The following UBA7 variants were observed in gnomAD, a reference collection of about 807,000 sequenced individuals.
The protein encoded by UBA7 is ubiquitin like modifier activating enzyme 7.
Under a neutral mutation model 113.0 loss-of-function variants are expected in UBA7, and 88 were observed. That is an observed-to-expected ratio of 0.78 (90% CI 0.66 to 0.93). UBA7 has a LOEUF of 0.93. UBA7 is among the 40% of genes least tolerant of loss of function. The pLI is 0.00. For missense variants in UBA7, 1,092 were observed against 1,266.4 expected, an observed-to-expected ratio of 0.86 and a Z score of 2.09; for synonymous variants, 459 against 513.0, an observed-to-expected ratio of 0.89 and a Z score of 1.42.
Position 49,809,597 on chromosome 3 carries a change from T to G in UBA7, c.2033A>C (p.Lys678Thr). The change falls in exon 16 of 24, where the codon AAA (lysine) becomes ACA (threonine). Residue 678 changes from lysine to threonine, a missense_variant. Physicochemically the swap from Lys to Thr is moderately conservative, Grantham distance 78. Transcript: ENST00000333486. The part of the protein sequence containing the change: ...DCVAWALGHW[K>T]LCFHYGIKQL... Reference sequence around the variant, plus strand: ...TTTGATGCCATAATGAAAGCAGAGTTTCCAGTGGCCAAGAGCCCACGCCAC... The same window carrying G: ...TTTGATGCCATAATGAAAGCAGAGTGTCCAGTGGCCAAGAGCCCACGCCAC... 1 of 1,614,108 alleles carries G rather than the reference T, an allele frequency of 6.2e-7. No homozygotes were observed. The highest frequency in any genetic ancestry group is 8.5e-7 in the Non-Finnish European group (1 of 1,180,042).
At chr3:49,812,046 C>G in intron 7 of UBA7, 30 bp from the exon 8 acceptor site, 1 of 1,614,162 alleles carries the variant, frequency 6.2e-7, no homozygotes, top group Non-Finnish European at 8.5e-7. Flanking sequence ...AGGGTCTAGT[C>G]CAGAATGCTA....
At chr3:49,812,356 T>C (rs1183985923) in intron 6 of UBA7, 52 bp downstream of exon 6, 1 of 1,612,852 alleles carries the variant, frequency 6.2e-7, no homozygotes, top group African/African-American at 1.3e-5. Flanking sequence ...CTGTGCTCAC[T>C]TCCAGTGGAG....
chr3:49,806,644 A>G (rs2081457846), intron 21 of UBA7, among the ~76,000 whole-genome samples: 1 of 152,096 alleles, frequency 6.6e-6, no homozygotes, highest in Non-Finnish European at 1.5e-5. Flanking sequence ...CAGCAGGGAT[A>G]CAATGCATAG....
In UBA7 at chr3:49,813,265, A is replaced by C; in HGVS notation, c.344T>G (p.Leu115Arg). The change falls in exon 3 of 24, where the codon CTG (leucine) becomes CGG (arginine). Residue 115 changes from leucine (L) to arginine (R), a missense_variant. Physicochemically the swap from Leu to Arg is moderately radical, Grantham distance 102 (BLOSUM62 -2). Transcript: ENST00000333486. The part of the protein sequence containing the change: ...VVHTGDITED[L>R]LLDFQVVVLT... ...TGAGCTGACCTGGAAGTCCAACAGCAGGTCCTCAGTGATGTCACCCGTGTG... is the reference window on the plus strand; with the variant it reads ...TGAGCTGACCTGGAAGTCCAACAGCCGGTCCTCAGTGATGTCACCCGTGTG... 1 of 1,614,190 alleles carries C rather than the reference A, an allele frequency of 6.2e-7. No individual in the cohort carries two copies. Among genetic ancestry groups the C allele is most frequent in the South Asian group, 1.1e-5 (1 of 91,078 alleles).
chr3:49,810,768 C>T lies in UBA7; in HGVS notation c.1295G>A (p.Arg432His), dbSNP rs772891199. The T allele has an allele frequency of 1.2e-5, 20 of 1,614,018 alleles. No individual in the cohort carries two copies. The highest frequency in any genetic ancestry group is 4.4e-5 in the South Asian group (4 of 91,092). ...FGAGFQEKLR[R>H]QHYLLVGAGA... is the part of the protein sequence containing the mutation. ...ACAGCTCACCAGGAGGTAGTGCTGG[C>T]GTCTCAGTTTCTCCTGAAAACCAGC... Residue 432 changes from arginine (R) to histidine (H), a missense_variant, in exon 11 of 24, where the codon CGC becomes CAC. Physicochemically the swap from Arg to His is conservative, Grantham distance 29. Transcript: ENST00000333486. The surrounding 1 kb of genome is among the most constrained non-coding windows in gnomAD (Gnocchi z 5.6).
intron 17 of UBA7, 26 bp from the exon 18 acceptor site, chr3:49,809,185 A>G: frequency 6.3e-7 from 1 of 1,597,796 alleles, no homozygotes; most frequent in Non-Finnish European, 8.5e-7. Flanking sequence ...GAGCAGGAAC[A>G]GAGGCATGGG....
At chr3:49,805,855 C>T in intron 23 of UBA7, 42 bp downstream of exon 23, 7 of 1,531,572 alleles carry the variant, frequency 4.6e-6, no homozygotes, top group Non-Finnish European at 6.2e-6. Flanking sequence ...CCCCAGCCTC[C>T]AGGGACTGGT....
intron 17 of UBA7, 23 bp from the exon 18 acceptor site, chr3:49,809,182 A>C: frequency 4.4e-6 from 7 of 1,599,196 alleles, no homozygotes; most frequent in Non-Finnish European, 6.0e-6. Flanking sequence ...CAAGAGCAGG[A>C]ACAGAGGCAT....
chr3:49,811,330 A>G lies in UBA7; in HGVS notation c.1065T>C (p.Gly355=). The G allele has an allele frequency of 6.2e-7, 1 of 1,613,998 alleles. No individual in the cohort carries two copies. ...GCATGGCCACCATAGGGCTCAAGAC[A>G]CCTGCACTGCTTAGGGCGACTGTCC... ...LVRTVALSSA[G]VLSPMVAMLG... The change falls in exon 9 of 24, where the codon GGT becomes GGC. Residue 355 remains glycine, a synonymous_variant. Transcript: ENST00000333486.
rs770756183 is a variant in UBA7 at position 49,809,818 on chromosome 3, T to A, written c.1901A>T (p.Gln634Leu). The change falls in exon 15 of 24, where the codon CAA (glutamine) becomes CTA (leucine). Residue 634 changes from glutamine to leucine, a missense_variant. Physicochemically the swap from Gln to Leu is moderately radical, Grantham distance 113. Around this residue, in one of 3 missense-constraint regions of UBA7, gnomAD observed 500 missense variants for 529.3 expected, o/e 0.94. Transcript: ENST00000333486. ...RLSAETINHH[Q>L]QAHTSLADMD... ...CTGCCTCTGTTGGTGGCCTTACTGT[T>A]GGTGGTGGTTGATGGTCTCTGCAGA... The A allele has an allele frequency of 1.2e-6, 2 of 1,614,138 alleles. No individual in the cohort carries two copies. The highest frequency in any genetic ancestry group is 1.7e-6 in the Non-Finnish European group (2 of 1,180,022).
chr3:49,807,762 T>C lies in UBA7; in HGVS notation c.2689A>G (p.Met897Val), dbSNP rs1575369428. ...GTCTGGATGGCTGGGGCAAAAGGCA[T>C]ATAGCGGATGAGGTAGTTTTCAGCC... ...HLAENYLIRYMPFAPAIQTFH... is the reference protein window; with the variant it reads ...HLAENYLIRYVPFAPAIQTFH... The change falls in exon 21 of 24, where the codon ATG becomes GTG. Residue 897 changes from methionine to valine, a missense_variant. By Grantham distance (21) the Met-to-Val change is conservative. Coordinates refer to ENST00000333486, the MANE Select transcript of UBA7 (RefSeq NM_003335.3). The surrounding 1 kb of genome is among the most constrained non-coding windows in gnomAD (Gnocchi z 4.0). 1 of 1,612,292 alleles carries C rather than the reference T, an allele frequency of 6.2e-7. No homozygotes were observed. The highest frequency in any genetic ancestry group is 8.5e-7 in the Non-Finnish European group (1 of 1,179,282).
rs1376156251 is a variant in UBA7, at chr3:49,809,095, C to A, written c.2228G>T (p.Gly743Val). The A allele has an allele frequency of 5.0e-6, 8 of 1,613,546 alleles. No homozygotes were observed. The highest frequency in any genetic ancestry group is 6.8e-6 in the Non-Finnish European group (8 of 1,179,852). Reference protein sequence around the residue: ...NLYAQMHGLPGSQDWTALREL... With the variant: ...NLYAQMHGLPVSQDWTALREL... Reference sequence around the variant, plus strand: ...CCTGAGTGCAGTCCAGTCCTGTGAGCCAGGCAGCCCATGCATCTGGGCATA... The same window carrying A: ...CCTGAGTGCAGTCCAGTCCTGTGAGACAGGCAGCCCATGCATCTGGGCATA... Residue 743 changes from glycine (G) to valine (V), a missense_variant, in exon 18 of 24, where the codon GGC becomes GTC. Gly to Val is a moderately radical substitution (Grantham distance 109). Coordinates refer to ENST00000333486, the MANE Select transcript of UBA7 (RefSeq NM_003335.3).
rs1174103426 is a variant in UBA7 at position 49,809,145 on chromosome 3, G to C, written c.2178C>G (p.Leu726=). The C allele has an allele frequency of 6.2e-7, 1 of 1,611,930 alleles. No individual in the cohort carries two copies. Among genetic ancestry groups the C allele is most frequent in the Admixed American group, 1.7e-5 (1 of 59,594 alleles). The change falls in exon 18 of 24, where the codon CTC becomes CTG. Residue 726 remains leucine (L), a synonymous_variant. Coordinates refer to ENST00000333486, the MANE Select transcript of UBA7 (RefSeq NM_003335.3). ...EFDTNQDTHL[L]YVLAAANLYA... ...ACAGGTTGGCAGCTGCCAGTACGTA[G>C]AGGAGGTGTGTGTCCTGCAGCCAGA...
intron 6 of UBA7, 51 bp from the exon 7 acceptor site, chr3:49,812,257 C>T (rs1212909316): frequency 3.1e-6 from 5 of 1,611,478 alleles, no homozygotes; most frequent in Non-Finnish European, 4.2e-6. Context: ...TGAGTAGTTC[C>T]CACACCCCAT....
chr3:49,812,145 A>G lies in UBA7; in HGVS notation c.756T>C (p.Ala252=), dbSNP rs201657097. ...TTFSRYLRGG[A]ITEVKRPKTV... is the part of the protein sequence containing the mutation. ...TCTTGGGTCTCTTGACTTCAGTGAT[A>G]GCCCCACCACGCAAGTACCGAGAGA... The change falls in exon 7 of 24, where the codon GCT becomes GCC. Residue 252 remains alanine (A), a synonymous_variant. Transcript: ENST00000333486. 6.2e-6 allele frequency: 10 copies of G among 1,614,216 alleles called. No homozygotes were observed. Among genetic ancestry groups the G allele is most frequent in the Non-Finnish European group, 8.5e-6 (10 of 1,180,042 alleles).
intron 18 of UBA7, 50 bp from the exon 19 acceptor site, chr3:49,808,518 C>G (rs1187647848): frequency 1.4e-5 from 22 of 1,586,164 alleles, no homozygotes; most frequent in Non-Finnish European, 1.9e-5. Flanking sequence ...GTCTCCTGCA[C>G]TCTTCTTGGA....
rs1320615693 is a variant in UBA7 at position 49,810,253 on chromosome 3, A to C, written c.1633+10T>G. On this transcript the variant is annotated intron_variant, in intron 13 of 23. Transcript: ENST00000333486. The surrounding 1 kb of genome is among the most constrained non-coding windows in gnomAD (Gnocchi z 5.6). ...GGGCAAGGGACTGACCTCCGAAGTC[A>C]AGCACTCACGGGCCTGGAAACTGTC... 2 of 1,613,612 alleles carry C rather than the reference A, an allele frequency of 1.2e-6. No homozygotes were observed. Among genetic ancestry groups the C allele is most frequent in the African/African-American group, 2.7e-5 (2 of 74,908 alleles).
intron 18 of UBA7, among the ~76,000 whole-genome samples, 157 bp downstream of exon 18, chr3:49,808,819 G>T (rs1253820059): frequency 2.0e-5 from 3 of 152,210 alleles, no homozygotes; most frequent in Non-Finnish European, 4.4e-5. Flanking sequence ...CAGAGGATAA[G>T]CCTGAAACTA....
chr3:49,805,332 G>A lies in UBA7; in HGVS notation c.3015C>T (p.Phe1005=). The A allele has an allele frequency of 1.2e-6, 2 of 1,613,928 alleles. No individual in the cohort carries two copies. Among genetic ancestry groups the A allele is most frequent in the Non-Finnish European group, 1.7e-6 (2 of 1,179,990 alleles). ...GTCACAGCTCATAGTGCAGAGGTGG[G>A]AAGGCAGTGTCCTCGTCGTCACCCT... ...SCEGDDEDTA[F]PPLHYEL is the part of the protein sequence containing the mutation. The change falls in exon 24 of 24, where the codon TTC becomes TTT. Residue 1005 remains phenylalanine, a synonymous_variant. Coordinates refer to ENST00000333486, the MANE Select transcript of UBA7 (RefSeq NM_003335.3).
Sources: allele counts gnomAD v4.1 joint callset (sites outside exome capture counted in the v4.1 genomes callset), GRCh38; gene constraint gnomAD v4.1.1; regional missense constraint gnomAD v4.1.1; non-coding constraint Gnocchi (gnomAD v3.1); transcripts MANE v1.5; gene names NCBI Gene and HGNC (gene_info 2026-07-23, HGNC 2026-07-21).